LAMB1: variants seen among roughly 807,000 people sequenced by gnomAD.
LAMB1 encodes the protein laminin subunit beta-1.
Under a neutral mutation model 222.3 loss-of-function variants are expected in LAMB1, and 121 were observed. The ratio of observed to expected loss-of-function variants is 0.54; its 90% CI spans 0.47 to 0.63. The LOEUF is 0.63. LAMB1 is among the 30% of genes least tolerant of loss of function. The pLI, the probability that LAMB1 is intolerant of heterozygous loss-of-function variation, is 0.00. For missense variants in LAMB1, 2,172 were observed against 2,240.8 expected, an observed-to-expected ratio of 0.97 and a Z score of 0.62; for synonymous variants, 794 against 807.2, an observed-to-expected ratio of 0.98 and a Z score of 0.28.
intron 14 of LAMB1, among the ~76,000 whole-genome samples, chr7:107,964,304 T>C (rs2033579341): frequency 6.6e-6 from 1 of 152,240 alleles, no homozygotes; most frequent in South Asian, 2.1e-4. Context: ...GAAAAGTTTC[T>C]TGTAAAGACA....
chr7:107,936,616 G>A (rs549931850), intron 26 of LAMB1, among the ~76,000 whole-genome samples: 3 of 152,030 alleles, frequency 2.0e-5, no homozygotes, highest in Non-Finnish European at 4.4e-5. Context: ...ATGGATAGTT[G>A]GACAGTATGA....
At chr7:107,968,888 T>C (rs937424367) in intron 13 of LAMB1, among the ~76,000 whole-genome samples, 45 of 152,208 alleles carry the variant, frequency 3.0e-4, no homozygotes, top group Non-Finnish European at 1.2e-4. Flanking sequence ...AATAAACTTA[T>C]ATTGTTTTAA....
chr7:107,971,039 T>G (rs1200629205), intron 13 of LAMB1, among the ~76,000 whole-genome samples: 1 of 152,246 alleles, frequency 6.6e-6, no homozygotes. Context: ...GCCACTTCTT[T>G]AATTATTCCA....
intron 9 of LAMB1, among the ~76,000 whole-genome samples, chr7:107,976,121 G>C (rs112290322): frequency 1.3e-5 from 2 of 152,328 alleles, no homozygotes; most frequent in African/African-American, 4.8e-5. Context: ...CTGTGGAAGA[G>C]AATGGGCTAT....
chr7:107,966,933 G>A (rs2033648597), intron 13 of LAMB1, among the ~76,000 whole-genome samples: 2 of 152,204 alleles, frequency 1.3e-5, no homozygotes, highest in South Asian at 4.1e-4. Context: ...TGTCATCACA[G>A]ATAGGCATGG....
Position 107,978,455 on chromosome 7 carries a change from TAAA to T in LAMB1, c.880-291_880-289del, listed in dbSNP as rs11350102. Among the ~76,000 whole-genome samples, 1,164 of 126,370 alleles carry T rather than the reference TAAA, an allele frequency of 9.2e-3. 22 individuals are homozygous for T. The highest frequency in any genetic ancestry group is 0.031 in the African/African-American group (1,096 of 35,814). 82.9% of individuals were successfully genotyped at this position (126,370 alleles called of 152,430 possible). ...CCAGATGAAGAAAATTACTTAAAAT[TAAA>T]AAAAAAAAAAAAAACTAGTTACTTA... is the stretch of plus-strand genomic sequence containing the variant. On this transcript the variant is annotated intron_variant, in intron 8 of 33. Transcript: ENST00000222399.
intron 13 of LAMB1, among the ~76,000 whole-genome samples, chr7:107,970,711 T>G (rs923601271): frequency 6.6e-6 from 1 of 151,860 alleles, no homozygotes; most frequent in East Asian, 1.9e-4. Flanking sequence ...AGTTAGATTA[T>G]TTAAATTAAT....
In LAMB1 at chr7:107,986,373, G is replaced by A. The variant is rs1403338416; in HGVS notation, c.424-10C>T. On this transcript the variant is annotated splice_polypyrimidine_tract_variant and intron_variant, in intron 5 of 33. Transcript: ENST00000222399. Reference sequence around the variant, plus strand: ...CAGCTGGACGGAATGTCTAAAGGCAGGAGCAAAAATCTCATTTGATGTTTT... The same window carrying A: ...CAGCTGGACGGAATGTCTAAAGGCAAGAGCAAAAATCTCATTTGATGTTTT... 1.3e-6 allele frequency: 2 copies of A among 1,552,832 alleles called. No individual in the cohort carries two copies. The highest frequency in any genetic ancestry group is 8.7e-7 in the Non-Finnish European group (1 of 1,148,478).
intron 13 of LAMB1, among the ~76,000 whole-genome samples, chr7:107,971,464 G>GC (rs2033747419): frequency 6.6e-6 from 1 of 152,208 alleles, no homozygotes; most frequent in Non-Finnish European, 1.5e-5. Context: ...AGTTGACCCT[G>GC]CCTAAGGGGC....
rs2034387613 is a variant in LAMB1 at position 108,001,687 on chromosome 7, G to A, written c.84C>T (p.Tyr28=). Residue 28 remains tyrosine, a synonymous_variant, in exon 3 of 34, where the codon TAC becomes TAT. Transcript: ENST00000222399. ...GATAGCAGCTGCCTTCTGCGCAGCCGTAGCTGAACTCGGGTTCCTGAGCGC... is the reference window on the plus strand; with the variant it reads ...GATAGCAGCTGCCTTCTGCGCAGCCATAGCTGAACTCGGGTTCCTGAGCGC... ...RVRAQEPEFS[Y]GCAEGSCYPA... is the part of the protein sequence containing the mutation. The A allele has an allele frequency of 4.3e-6, 7 of 1,612,602 alleles. No individual in the cohort carries two copies. Among genetic ancestry groups the A allele is most frequent in the Non-Finnish European group, 5.1e-6 (6 of 1,179,738 alleles).
intron 24 of LAMB1, among the ~76,000 whole-genome samples, chr7:107,950,791 T>C (rs2033226043): frequency 6.6e-6 from 1 of 152,182 alleles, no homozygotes; most frequent in African/African-American, 2.4e-5. Flanking sequence ...ATTTACCTCT[T>C]CTTGTGCCAT....
intron 5 of LAMB1, among the ~76,000 whole-genome samples, chr7:107,991,768 C>T (rs2034187933): frequency 6.6e-6 from 1 of 151,492 alleles, no homozygotes; most frequent in South Asian, 2.1e-4. Flanking sequence ...ATTAGCTGGG[C>T]ATGGTGGCAC....
intron 7 of LAMB1, among the ~76,000 whole-genome samples, chr7:107,981,320 C>T (rs780357530): frequency 3.9e-5 from 6 of 152,020 alleles, no homozygotes; most frequent in Non-Finnish European, 7.4e-5. Flanking sequence ...TCATGGCATC[C>T]GCCTGTAATC....
chr7:108,002,706 G>A (rs367609736), intron 2 of LAMB1, 143 bp downstream of exon 2: 12 of 1,182,608 alleles, frequency 1.0e-5, no homozygotes, highest in South Asian at 1.5e-5. Flanking sequence ...CAAGGGCGGT[G>A]GCGTTTAATC....
chr7:108,000,198 C>CAAAA lies in LAMB1; in HGVS notation c.213+1356_213+1359dup, dbSNP rs397938936. Among the ~76,000 whole-genome samples the CAAAA allele has an allele frequency of 4.1e-5, 6 of 146,798 alleles. No individual in the cohort carries two copies. In the East Asian group the frequency reaches 6.1e-4, roughly 15 times the overall value. Reference sequence around the variant, plus strand: ...GTACTGGAGAACAATCACCAGAACTCAAAAAAAAAAAAAGTTTAAAAAAGT... The same window carrying CAAAA: ...GTACTGGAGAACAATCACCAGAACTCAAAAAAAAAAAAAAAAAGTTTAAAAAAGT... On this transcript the variant is annotated intron_variant, in intron 3 of 33. Coordinates refer to ENST00000222399, the MANE Select transcript of LAMB1 (RefSeq NM_002291.3).
intron 20 of LAMB1, among the ~76,000 whole-genome samples, chr7:107,958,865 T>TG (rs1384065866): frequency 6.6e-6 from 1 of 152,194 alleles, no homozygotes. Flanking sequence ...CTATTTAAAA[T>TG]GACTAATCCC....
intron 32 of LAMB1, among the ~76,000 whole-genome samples, chr7:107,924,872 T>C (rs1314024571): frequency 6.6e-6 from 1 of 151,764 alleles, no homozygotes; most frequent in Non-Finnish European, 1.5e-5. Context: ...AAGAAGTGAG[T>C]GAGGAGAAGA....
chr7:107,925,271 G>T (rs1288367088), intron 32 of LAMB1, among the ~76,000 whole-genome samples: 1 of 152,150 alleles, frequency 6.6e-6, no homozygotes, highest in Non-Finnish European at 1.5e-5. Context: ...CAGGCCTACG[G>T]ACCAGTTAGG....
chr7:107,927,336 A>G (rs1383261989), intron 31 of LAMB1, among the ~76,000 whole-genome samples: 1 of 152,192 alleles, frequency 6.6e-6, no homozygotes, highest in Non-Finnish European at 1.5e-5. Flanking sequence ...AACCTAAAAC[A>G]CTTCCTGCCC....
Sources: allele counts gnomAD v4.1 joint callset (sites outside exome capture counted in the v4.1 genomes callset), GRCh38; gene constraint gnomAD v4.1.1; transcripts MANE v1.5; gene names NCBI Gene and HGNC (gene_info 2026-07-23, HGNC 2026-07-21).